MTARC1: variants seen among roughly 807,000 people sequenced by gnomAD.
MTARC1 encodes mitochondrial amidoxime-reducing component 1.
A neutral mutation model predicts 33.6 loss-of-function variants in MTARC1; 24 were observed. The observed-to-expected ratio is 0.72, with a 90% CI of 0.52 to 1.01. The LOEUF is 1.01. Among genes scored for constraint, MTARC1 ranks in the 50% least tolerant of loss-of-function variants. The pLI is 0.00. For missense variants in MTARC1, 417 were observed against 445.7 expected, an observed-to-expected ratio of 0.94 and a Z score of 0.58; for synonymous variants, 187 against 189.5, an observed-to-expected ratio of 0.99 and a Z score of 0.11.
rs1672794558 is a variant in MTARC1 at position 220,801,288 on chromosome 1, T to C, written c.753+3274T>C. Among the ~76,000 whole-genome samples the C allele has an allele frequency of 2.0e-5, 3 of 152,094 alleles. 1 individual carries two copies. Among genetic ancestry groups the C allele is most frequent in the Non-Finnish European group, 4.4e-5 (3 of 67,990 alleles). ...TATCTTCCCTCACAGGCCTCATGGCTCACTCCAGTGCCTCTTTCAGTCCCC... is the reference window on the plus strand; with the variant it reads ...TATCTTCCCTCACAGGCCTCATGGCCCACTCCAGTGCCTCTTTCAGTCCCC... On this transcript the variant is annotated intron_variant, in intron 4 of 6. Transcript: ENST00000366910.
Position 220,818,131 on chromosome 1 carries a change from A to T in MTARC1, c.*4713A>T, listed in dbSNP as rs550833536. 1 of 152,262 alleles carries T rather than the reference A, an allele frequency of 6.6e-6. No homozygotes were observed. The highest frequency in any genetic ancestry group is 1.9e-4 in the East Asian group (1 of 5,174). 9.4% of individuals were successfully genotyped at this position (152,262 alleles called of 1,614,324 possible). On this transcript the variant is annotated 3_prime_UTR_variant, in exon 7 of 7. Transcript: ENST00000366910. Reference sequence around the variant, plus strand: ...GGAAGAATCTGGCTCGGTACCACAGATGTTCTTGGAATTGGGATAGTAAAA... The same window carrying T: ...GGAAGAATCTGGCTCGGTACCACAGTTGTTCTTGGAATTGGGATAGTAAAA...
At chr1:220,800,556 G>A (rs1672760205) in intron 4 of MTARC1, among the ~76,000 whole-genome samples, 1 of 151,614 alleles carries the variant, frequency 6.6e-6, no homozygotes, top group African/African-American at 2.4e-5. Context: ...TCATTTGTCT[G>A]CACTCACTTT....
intron 1 of MTARC1, 58 bp from the exon 2 acceptor site, chr1:220,791,433 C>T: frequency 1.3e-6 from 2 of 1,572,426 alleles, no homozygotes; most frequent in Non-Finnish European, 1.7e-6. Context: ...GAAGCTCCTC[C>T]AGGGTCTGGC....
At position 220,805,307 on chromosome 1, in the gene MTARC1, T is replaced by G. The variant is rs1394458933; in HGVS notation, c.887+33T>G. On this transcript the variant is annotated intron_variant, in intron 6 of 6. Transcript: ENST00000366910. ...TGGGCAGACGGGGCTCATCCTCGGG[T>G]TTAGGTGCCGGGAACGGAAGCAATA... The G allele has an allele frequency of 1.9e-6, 3 of 1,610,612 alleles. No homozygotes were observed. In the South Asian group the frequency reaches 3.3e-5, roughly 18 times the overall value.
chr1:220,789,006 A>C (rs1486253102), intron 1 of MTARC1, among the ~76,000 whole-genome samples: 1 of 152,014 alleles, frequency 6.6e-6, no homozygotes, highest in African/African-American at 2.4e-5. Context: ...ACACTCCCAG[A>C]AAGTGTGATC....
intron 6 of MTARC1, among the ~76,000 whole-genome samples, chr1:220,807,926 A>G (rs1177662201): frequency 6.6e-6 from 1 of 152,130 alleles, no homozygotes; most frequent in African/African-American, 2.4e-5. Flanking sequence ...CTGGATGTGC[A>G]GCACACCGAC....
At chr1:220,788,977 C>A (rs935275279) in intron 1 of MTARC1, among the ~76,000 whole-genome samples, 1 of 152,158 alleles carries the variant, frequency 6.6e-6, no homozygotes, top group Admixed American at 6.5e-5. Flanking sequence ...ATGATAAATT[C>A]TTTATTTTCG....
chr1:220,787,868 CG>C (rs576810337), intron 1 of MTARC1, among the ~76,000 whole-genome samples: 195 of 152,136 alleles, frequency 1.3e-3, no homozygotes, highest in African/African-American at 4.6e-3. Flanking sequence ...ATTAGCCGGG[CG>C]TAGTGGCGCG....
chr1:220,798,681 G>T, intron 4 of MTARC1: 1 of 780,738 alleles, frequency 1.3e-6, no homozygotes, highest in South Asian at 5.8e-5. Flanking sequence ...GAGGCATGGT[G>T]AGTGGCCACC....
Position 220,813,454 on chromosome 1 carries a change from T to TA in MTARC1, c.*41dup. The TA allele has an allele frequency of 6.2e-7, 1 of 1,607,832 alleles. No individual in the cohort carries two copies. The highest frequency in any genetic ancestry group is 8.5e-7 in the Non-Finnish European group (1 of 1,175,468). The stretch of plus-strand genomic sequence containing the variant: ...ATGTCCTGGAATATTAGATGCCTTT[T>TA]AAAAATGTTCTCAAAAATGACAACA... On this transcript the variant is annotated 3_prime_UTR_variant, in exon 7 of 7. Transcript: ENST00000366910.
At position 220,791,674 on chromosome 1, in the gene MTARC1, G is replaced by A. The variant is rs777605684; in HGVS notation, c.449+10G>A. The A allele has an allele frequency of 6.2e-7, 1 of 1,613,408 alleles. No individual in the cohort carries two copies. Among genetic ancestry groups the A allele is most frequent in the Admixed American group, 1.7e-5 (1 of 59,988 alleles). ...CAGTGCACAAGTGCAGGTAAGGAAA[G>A]GGCAGGTCGTAGCCCTTGTGTGAAT... On this transcript the variant is annotated intron_variant, in intron 2 of 6. Coordinates refer to ENST00000366910, the MANE Select transcript of MTARC1 (RefSeq NM_022746.4).
At chr1:220,811,282 G>A (rs1410430290) in intron 6 of MTARC1, among the ~76,000 whole-genome samples, 1 of 152,230 alleles carries the variant, frequency 6.6e-6, no homozygotes, top group Non-Finnish European at 1.5e-5. Context: ...AAATACTCTT[G>A]GCAAGGCAGG....
At chr1:220,806,966 G>A (rs917574214) in intron 6 of MTARC1, among the ~76,000 whole-genome samples, 5 of 152,214 alleles carry the variant, frequency 3.3e-5, no homozygotes, top group Admixed American at 2.6e-4. Context: ...CTCCAACAGC[G>A]TTGGGTGTGA....
At chr1:220,808,096 T>A (rs2642417) in intron 6 of MTARC1, among the ~76,000 whole-genome samples, 40,881 of 152,180 alleles carry the variant, frequency 0.27, 5,776 homozygotes, top group Non-Finnish European at 0.3. Context: ...CTCTTCCCCC[T>A]GTGTGTTGCT....
rs184251214 is a variant in MTARC1, at chr1:220,810,201, T to A, written c.888-3091T>A. On this transcript the variant is annotated intron_variant, in intron 6 of 6. Coordinates refer to ENST00000366910, the MANE Select transcript of MTARC1 (RefSeq NM_022746.4). ...CCAACAGGAATACATATATGAAAAG[T>A]CACATATTTAAAAAATCGTAGAAGA... 1.7e-4 allele frequency among the ~76,000 whole-genome samples: 26 copies of A among 152,342 alleles called. No homozygotes were observed. In the East Asian group the frequency reaches 4.8e-3, roughly 28 times the overall value.
At position 220,818,452 on chromosome 1, in the gene MTARC1, C is replaced by T. The variant is rs543668913; in HGVS notation, c.*5034C>T. On this transcript the variant is annotated 3_prime_UTR_variant, in exon 7 of 7. Transcript: ENST00000366910. The stretch of plus-strand genomic sequence containing the variant: ...TTGATAGGCAGGTCAAATTCACTCA[C>T]ATTTGGTTATTTGTTGGCCAGTCTA... 1.3e-5 allele frequency: 2 copies of T among 152,400 alleles called. No homozygotes were observed. Among genetic ancestry groups the T allele is most frequent in the Non-Finnish European group, 2.9e-5 (2 of 68,072 alleles). The allele number at this position is 152,400 out of a possible 1,614,324, so 9.4% of individuals were successfully genotyped here.
intron 4 of MTARC1, among the ~76,000 whole-genome samples, chr1:220,800,996 C>G (rs931396995): frequency 6.6e-6 from 1 of 152,178 alleles, no homozygotes; most frequent in South Asian, 2.1e-4. Flanking sequence ...AGCCCTGCAC[C>G]ATCCATGGGC....
chr1:220,803,887 G>T (rs1672889985), intron 4 of MTARC1, among the ~76,000 whole-genome samples: 1 of 152,002 alleles, frequency 6.6e-6, no homozygotes, highest in Admixed American at 6.6e-5. Context: ...CCAGTTTTCT[G>T]GACTGTTGAA....
rs1292647540 is a variant in MTARC1, at chr1:220,808,218, C to T, written c.887+2944C>T. On this transcript the variant is annotated intron_variant, in intron 6 of 6. Transcript: ENST00000366910. ...TGTTCTCTGCATCTTCAGTGCCCCC[C>T]TTCCTCCATTGGGAGCCTGTGTTTA... Among the ~76,000 whole-genome samples the T allele has an allele frequency of 4.6e-5, 7 of 152,322 alleles. No homozygotes were observed. In the South Asian group the frequency reaches 1.5e-3, roughly 32 times the overall value.
Sources: allele counts gnomAD v4.1 joint callset (sites outside exome capture counted in the v4.1 genomes callset), GRCh38; gene constraint gnomAD v4.1.1; transcripts MANE v1.5; gene names NCBI Gene and HGNC (gene_info 2026-07-23, HGNC 2026-07-21).